Variants in BTBD2 observed in about 807,000 individuals in gnomAD.
BTBD2 encodes BTB domain containing 2.
Under a neutral mutation model 44.0 loss-of-function variants are expected in BTBD2, and 15 were observed. That is an observed-to-expected ratio of 0.34 (90% CI 0.23 to 0.53). The LOEUF is 0.53. Ranked by LOEUF, BTBD2 falls within the 20% of genes least tolerant of loss-of-function variation. The pLI is 0.95. For synonymous variants in BTBD2, 443 were observed against 335.9 expected, an observed-to-expected ratio of 1.32 and a Z score of -3.49; for missense variants, 657 against 746.4, an observed-to-expected ratio of 0.88 and a Z score of 1.39.
chr19:1,988,904 CA>C (rs2016132635), intron 5 of BTBD2, among the ~76,000 whole-genome samples: 1 of 152,070 alleles, frequency 6.6e-6, no homozygotes. Flanking sequence ...CCAGCCTGGC[CA>C]ACAATTGTAT....
intron 1 of BTBD2, among the ~76,000 whole-genome samples, chr19:2,004,391 G>A (rs538820699): frequency 4.6e-5 from 7 of 150,972 alleles, no homozygotes; most frequent in African/African-American, 9.8e-5. Context: ...TCTGCCTCCC[G>A]GGTGCAAGCA....
intron 1 of BTBD2, among the ~76,000 whole-genome samples, chr19:2,009,576 C>T (rs1024277342): frequency 1.3e-5 from 2 of 150,402 alleles, no homozygotes; most frequent in African/African-American, 4.9e-5. Flanking sequence ...AGGCTGGGCG[C>T]GGTGGCTCAC....
At chr19:1,999,851 A>G (rs369205773) in intron 1 of BTBD2, among the ~76,000 whole-genome samples, 1 of 151,466 alleles carries the variant, frequency 6.6e-6, no homozygotes, top group Non-Finnish European at 1.5e-5. Context: ...AATCCCAGCT[A>G]CTCAGGAGGC....
At chr19:2,005,745 G>A (rs976743910) in intron 1 of BTBD2, among the ~76,000 whole-genome samples, 9 of 148,874 alleles carry the variant, frequency 6.0e-5, no homozygotes, top group Admixed American at 2.7e-4. Flanking sequence ...TCACACCATC[G>A]CGCTCCAGCC....
At chr19:2,012,562 T>C (rs963227602) in intron 1 of BTBD2, among the ~76,000 whole-genome samples, 3 of 152,208 alleles carry the variant, frequency 2.0e-5, no homozygotes, top group African/African-American at 7.2e-5. Flanking sequence ...CGAGAAGCCA[T>C]TCCTAGTTAA....
rs560067002 is a variant in BTBD2 at position 2,011,212 on chromosome 19, G to A, written c.407+4085C>T. 1.6e-4 allele frequency among the ~76,000 whole-genome samples: 24 copies of A among 151,748 alleles called. No homozygotes were observed. The East Asian group carries it at 4.3e-3, about 27-fold the overall frequency. ...GGGGACCCCCACCACAGCCCCCCAC[G>A]CCCTCACCTGCCAAGCTGCCTCCTC... On this transcript the variant is annotated intron_variant, in intron 1 of 8. Coordinates refer to ENST00000255608, the MANE Select transcript of BTBD2 (RefSeq NM_017797.4).
intron 5 of BTBD2, chr19:1,989,694 A>C: frequency 2.4e-6 from 1 of 413,500 alleles, no homozygotes; most frequent in Non-Finnish European, 4.5e-6. Flanking sequence ...AGACACTGGT[A>C]CCTGCACCAG....
intron 1 of BTBD2, among the ~76,000 whole-genome samples, chr19:1,999,823 G>A (rs376660045): frequency 9.2e-4 from 139 of 151,724 alleles, no homozygotes; most frequent in African/African-American, 2.0e-3. Flanking sequence ...TTAGCTGGGC[G>A]TGGTGGTGGG....
chr19:2,009,924 T>C (rs2145651589), intron 1 of BTBD2, among the ~76,000 whole-genome samples: 1 of 152,020 alleles, frequency 6.6e-6, no homozygotes, highest in Admixed American at 6.6e-5. Flanking sequence ...GAGGCCGAGG[T>C]GGGCGGATCA....
chr19:2,013,436 G>T, intron 1 of BTBD2: 1 of 906,856 alleles, frequency 1.1e-6, no homozygotes, highest in Non-Finnish European at 1.3e-6. Context: ...GGGGGTCTCT[G>T]GGTTGGAAGG....
rs1333207754 is a variant in BTBD2 at position 1,986,647 on chromosome 19, G to T, written c.1419C>A (p.Gly473=). 1 of 1,613,514 alleles carries T rather than the reference G, an allele frequency of 6.2e-7. No individual in the cohort carries two copies. The highest frequency in any genetic ancestry group is 8.5e-7 in the Non-Finnish European group (1 of 1,179,760). Residue 473 remains glycine, a splice_region_variant and synonymous_variant, in exon 9 of 9, where the codon GGC becomes GGA. Coordinates refer to ENST00000255608, the MANE Select transcript of BTBD2 (RefSeq NM_017797.4). ...CTTTGGTGCCGTAGTGGGAGTCTGG[G>T]CCCTGTAGGGAATAGGGGTACAGTG... is the stretch of plus-strand genomic sequence containing the variant. ...VNYTACATLK[G]PDSHYGTKGL...
chr19:2,009,034 T>C (rs1448349310), intron 1 of BTBD2, among the ~76,000 whole-genome samples: 2 of 151,278 alleles, frequency 1.3e-5, no homozygotes, highest in Admixed American at 6.6e-5. Flanking sequence ...TTTTTTTTTT[T>C]CCAAGACAGA....
chr19:1,987,571 C>T lies in BTBD2; in HGVS notation c.1110G>A (p.Lys370=), dbSNP rs1299555041. 1.5e-5 allele frequency: 24 copies of T among 1,612,194 alleles called. No individual in the cohort carries two copies. The highest frequency in any genetic ancestry group is 1.9e-5 in the Non-Finnish European group (22 of 1,179,518). ...IDRPRCCLRG[K]ECSINRFQQV... Reference sequence around the variant, plus strand: ...GCTGGAAGCGGTTGATGCTGCACTCCTTCCCACGCAGGCAGCAGCGGGGCC... The same window carrying T: ...GCTGGAAGCGGTTGATGCTGCACTCTTTCCCACGCAGGCAGCAGCGGGGCC... Residue 370 remains lysine (K), a synonymous_variant, in exon 6 of 9, where the codon AAG becomes AAA. Transcript: ENST00000255608.
intron 2 of BTBD2, 104 bp from the exon 3 acceptor site, chr19:1,993,280 T>G (rs779134628): frequency 4.9e-6 from 7 of 1,436,624 alleles, no homozygotes; most frequent in Non-Finnish European, 6.4e-6. Flanking sequence ...CACCGGCCCT[T>G]GAGCTGGCAG....
chr19:2,010,447 A>G (rs1217818967), intron 1 of BTBD2, among the ~76,000 whole-genome samples: 1 of 152,014 alleles, frequency 6.6e-6, no homozygotes, highest in African/African-American at 2.4e-5. Context: ...CGGTCCAGAC[A>G]CTGGGGCCAC....
chr19:1,993,704 T>C (rs548511363), intron 2 of BTBD2, among the ~76,000 whole-genome samples: 24 of 152,040 alleles, frequency 1.6e-4, no homozygotes, highest in African/African-American at 4.8e-4. Context: ...CGATCAAAAA[T>C]AGAAGCACAG....
chr19:1,986,328 G>A lies in BTBD2; in HGVS notation c.*160C>T. 1 of 939,380 alleles carries A rather than the reference G, an allele frequency of 1.1e-6. No individual in the cohort carries two copies. The highest frequency in any genetic ancestry group is 1.6e-6 in the Non-Finnish European group (1 of 626,788). 58.2% of individuals were successfully genotyped at this position (939,380 alleles called of 1,614,324 possible). ...GCAGCCACACTCGTGGTGAACACAG[G>A]GCAACCCCGTCCTGATGCTGAGAAA... On this transcript the variant is annotated 3_prime_UTR_variant, in exon 9 of 9. Coordinates refer to ENST00000255608, the MANE Select transcript of BTBD2 (RefSeq NM_017797.4).
At chr19:1,996,967 T>C (rs2016259198) in intron 2 of BTBD2, among the ~76,000 whole-genome samples, 1 of 151,960 alleles carries the variant, frequency 6.6e-6, no homozygotes, top group Non-Finnish European at 1.5e-5. Context: ...TGGATCATGA[T>C]GTCAGATCGA....
intron 1 of BTBD2, among the ~76,000 whole-genome samples, chr19:2,007,142 C>T (rs1190217875): frequency 1.3e-5 from 2 of 152,126 alleles, no homozygotes; most frequent in African/African-American, 4.8e-5. Context: ...AGGCGTGAGC[C>T]ACTGCGCCCA....
Sources: gnomAD v4.1 joint callset for allele counts (sites outside exome capture counted in the v4.1 genomes callset) on GRCh38, gnomAD v4.1.1 for gene constraint, MANE v1.5 for transcripts, NCBI Gene and HGNC (gene_info 2026-07-23, HGNC 2026-07-21) for gene names.